KIF26B: variants seen among roughly 807,000 people sequenced by gnomAD.
The protein encoded by KIF26B is kinesin-like protein KIF26B.
KIF26B carries 63 observed loss-of-function variants against 151.2 expected under a neutral mutation model. The observed-to-expected ratio is 0.42, with a 90% confidence interval of 0.34 to 0.51. KIF26B has a LOEUF of 0.51. KIF26B is among the 20% of genes least tolerant of loss of function. The probability of loss-of-function intolerance (pLI) is 0.07; values close to 1 mark genes in which losing one functional copy is unlikely to be tolerated. For missense variants in KIF26B, 2,813 were observed against 2,913.6 expected (o/e 0.97, Z 0.79); for synonymous variants, 1,357 against 1,262.1 (o/e 1.08, Z -1.59).
chr1:245,635,644 A>G (rs1572171351), intron 9 of KIF26B, among the ~76,000 whole-genome samples: 1 of 147,262 alleles, frequency 6.8e-6, no homozygotes, highest in Non-Finnish European at 1.5e-5. Flanking sequence ...CCTTTCTGCT[A>G]TTTTTTTTTC....
chr1:245,521,994 C>G lies in KIF26B; in HGVS notation c.1167-18773C>G, dbSNP rs575161552. ...ACGCCATTCTCCTGCCTCAGCCTCCCAAGTAGCTGGGACTACAGGCACCCG... is the reference window on the plus strand; with the variant it reads ...ACGCCATTCTCCTGCCTCAGCCTCCGAAGTAGCTGGGACTACAGGCACCCG... On this transcript the variant is annotated intron_variant, in intron 4 of 14. Transcript: ENST00000407071. 2.0e-5 allele frequency among the ~76,000 whole-genome samples: 3 copies of G among 151,670 alleles called. No individual in the cohort carries two copies. In the East Asian group the frequency reaches 5.8e-4, roughly 29 times the overall value.
At chr1:245,635,365 T>G (rs879648741) in intron 9 of KIF26B, among the ~76,000 whole-genome samples, 4 of 152,098 alleles carry the variant, frequency 2.6e-5, no homozygotes, top group Non-Finnish European at 5.9e-5. Context: ...AGCTTTGGAA[T>G]TTTTCATCTT....
intron 4 of KIF26B, among the ~76,000 whole-genome samples, chr1:245,501,666 A>G (rs1660623886): frequency 6.6e-6 from 1 of 152,248 alleles, no homozygotes; most frequent in South Asian, 2.1e-4. Context: ...GTAGGAATTC[A>G]TATCAAAATT....
At chr1:245,247,866 A>G (rs963961810) in intron 2 of KIF26B, among the ~76,000 whole-genome samples, 18 of 151,862 alleles carry the variant, frequency 1.2e-4, no homozygotes, top group Admixed American at 5.3e-4. Context: ...AATCCTGGCC[A>G]TTTTTTCTTT....
At chr1:245,546,928 T>C (rs1558208995) in intron 5 of KIF26B, among the ~76,000 whole-genome samples, 2 of 152,254 alleles carry the variant, frequency 1.3e-5, no homozygotes, top group Non-Finnish European at 2.9e-5. Context: ...TATTTCTTAT[T>C]TTGAGCCTTC....
At chr1:245,513,109 G>T (rs1660871017) in intron 4 of KIF26B, among the ~76,000 whole-genome samples, 1 of 152,038 alleles carries the variant, frequency 6.6e-6, no homozygotes, top group South Asian at 2.1e-4. Context: ...TCGAGTTTCT[G>T]CTCACTAACA....
chr1:245,568,184 CAAAAAAAAAAAAA>C (rs61494632), intron 5 of KIF26B, among the ~76,000 whole-genome samples: 1,703 of 28,872 alleles, frequency 0.059, 67 homozygotes, highest in African/African-American at 0.2. Context: ...AACTCCATCT[CAAAAAAAAAAAAA>C]AAAAAAAAAA....
At chr1:245,312,292 T>TA (rs1397215247) in intron 2 of KIF26B, among the ~76,000 whole-genome samples, 3 of 152,158 alleles carry the variant, frequency 2.0e-5, no homozygotes, top group African/African-American at 2.4e-5. Context: ...TTGTTGGAGT[T>TA]AAAAAATATA....
chr1:245,301,126 C>T (rs1056800224), intron 2 of KIF26B, among the ~76,000 whole-genome samples: 16 of 152,310 alleles, frequency 1.1e-4, no homozygotes, highest in South Asian at 6.2e-4. Context: ...CCACCACGCT[C>T]GGCCGAGGCA....
At chr1:245,299,319 G>C (rs1671387372) in intron 2 of KIF26B, among the ~76,000 whole-genome samples, 1 of 134,654 alleles carries the variant, frequency 7.4e-6, no homozygotes, top group Admixed American at 7.8e-5. Context: ...TCCAATTCTG[G>C]GTTTTTTTTT....
rs1038234843 is a variant in KIF26B, at chr1:245,606,060, C to T, written c.1558-1591C>T. Among the ~76,000 whole-genome samples, 16 of 152,176 alleles carry T rather than the reference C, an allele frequency of 1.1e-4. No individual in the cohort carries two copies. Among genetic ancestry groups the T allele is most frequent in the Non-Finnish European group, 2.1e-4 (14 of 68,040 alleles). ...CTGCAGACACGCCTCTGGCAAATTC[C>T]ATCAAGACGCTACTGCTTCTGTCTC... On this transcript the variant is annotated intron_variant, in intron 6 of 14. Transcript: ENST00000407071. The surrounding 1 kb of genome is among the most constrained non-coding windows in gnomAD (Gnocchi z 4.6).
rs116454225 is a variant in KIF26B at position 245,524,308 on chromosome 1, G to A, written c.1167-16459G>A. 3.9e-3 allele frequency among the ~76,000 whole-genome samples: 593 copies of A among 152,250 alleles called. 5 individuals carry two copies. Among genetic ancestry groups the A allele is most frequent in the African/African-American group, 0.013 (537 of 41,554 alleles). Reference sequence around the variant, plus strand: ...ACAACAGACCCTTGAGGTAGTTACCGTTATTTTCATCCACATCAAAGTATG... The same window carrying A: ...ACAACAGACCCTTGAGGTAGTTACCATTATTTTCATCCACATCAAAGTATG... On this transcript the variant is annotated intron_variant, in intron 4 of 14. Transcript: ENST00000407071.
chr1:245,413,330 A>G (rs1434876931), intron 3 of KIF26B, among the ~76,000 whole-genome samples: 1 of 152,214 alleles, frequency 6.6e-6, no homozygotes, highest in Admixed American at 6.5e-5. Context: ...ATAAATTCCT[A>G]AGAGTCTAAC....
chr1:245,563,693 A>G lies in KIF26B; in HGVS notation c.1350+22743A>G, dbSNP rs1367041383. 6.6e-6 allele frequency among the ~76,000 whole-genome samples: 1 copy of G among 152,176 alleles called. No individual in the cohort carries two copies. The highest frequency in any genetic ancestry group is 1.5e-5 in the Non-Finnish European group (1 of 68,034). ...GGACTGCCTGTATAATGGTGGTCCCATAAGATTATAATACTGTGTTTTTAC... is the reference window on the plus strand; with the variant it reads ...GGACTGCCTGTATAATGGTGGTCCCGTAAGATTATAATACTGTGTTTTTAC... On this transcript the variant is annotated intron_variant, in intron 5 of 14. Coordinates refer to ENST00000407071, the MANE Select transcript of KIF26B (RefSeq NM_018012.4). The surrounding 1 kb of genome is among the most constrained non-coding windows in gnomAD (Gnocchi z 4.6).
chr1:245,685,354 G>A (rs550039227), intron 11 of KIF26B, 51 bp from the exon 12 acceptor site: 40 of 1,456,506 alleles, frequency 2.7e-5, no homozygotes, highest in Admixed American at 1.7e-4. Context: ...CTGGGCTCCC[G>A]GGGAAACTGC....
chr1:245,210,485 T>C (rs1669495070), intron 2 of KIF26B, among the ~76,000 whole-genome samples: 1 of 150,016 alleles, frequency 6.7e-6, no homozygotes, highest in Admixed American at 6.7e-5. Context: ...GTTTTTGAAC[T>C]GTCTGGAACC....
chr1:245,707,487 A>G lies in KIF26B; in HGVS notation c.*4881A>G, dbSNP rs1276762820. Reference sequence around the variant, plus strand: ...TTGTGAACTCAGGATGTTGCTTTACAGCATTGCTCGTGTTCTCTCATTTAC... The same window carrying G: ...TTGTGAACTCAGGATGTTGCTTTACGGCATTGCTCGTGTTCTCTCATTTAC... On this transcript the variant is annotated 3_prime_UTR_variant, in exon 15 of 15. Coordinates refer to ENST00000407071, the MANE Select transcript of KIF26B (RefSeq NM_018012.4). 2 of 152,244 alleles carry G rather than the reference A, an allele frequency of 1.3e-5. No individual in the cohort carries two copies. Among genetic ancestry groups the G allele is most frequent in the Non-Finnish European group, 2.9e-5 (2 of 68,050 alleles). The allele number at this position is 152,244 out of a possible 1,614,324, so 9.4% of individuals were successfully genotyped here.
At chr1:245,296,043 A>T (rs868399600) in intron 2 of KIF26B, among the ~76,000 whole-genome samples, 1 of 152,290 alleles carries the variant, frequency 6.6e-6, no homozygotes. Context: ...ACAGACGTTC[A>T]TTAGATGTTC....
At chr1:245,621,185 CAA>C (rs2043655219) in intron 9 of KIF26B, among the ~76,000 whole-genome samples, 1 of 152,286 alleles carries the variant, frequency 6.6e-6, no homozygotes, top group East Asian at 1.9e-4. Flanking sequence ...CAACGGGCAG[CAA>C]AGTTTGGGAG....
Sources: gnomAD v4.1 joint callset for allele counts (sites outside exome capture counted in the v4.1 genomes callset) on GRCh38, gnomAD v4.1.1 for gene constraint, Gnocchi (gnomAD v3.1) non-coding constraint, MANE v1.5 for transcripts, NCBI Gene and HGNC (gene_info 2026-07-23, HGNC 2026-07-21) for gene names.